The following EP400 variants were observed in gnomAD, a reference collection of about 807,000 sequenced individuals.
EP400 encodes E1A binding protein p400.
Under a neutral mutation model 354.1 loss-of-function variants are expected in EP400, and 105 were observed. The observed-to-expected ratio is 0.30, with a 90% CI of 0.25 to 0.35. The LOEUF is 0.35. Ranked by LOEUF, EP400 falls within the 10% of genes least tolerant of loss-of-function variation. The pLI, the probability that EP400 is intolerant of heterozygous loss-of-function variation, is 1.00. For synonymous variants in EP400, 1,646 were observed against 1,716.9 expected (o/e 0.96, Z 1.02); for missense variants, 3,280 against 4,121.0 (o/e 0.80, Z 5.59).
Position 132,077,429 on chromosome 12 carries a change from A to G in EP400, c.9128A>G (p.Gln3043Arg). Reference sequence around the variant, plus strand: ...TCTCCACAGACTGTGGCGCTCACGCAGGCGACGGCGGCCGGGCAGCAGGTG... The same window carrying G: ...TCTCCACAGACTGTGGCGCTCACGCGGGCGACGGCGGCCGGGCAGCAGGTG... ...QASPQTVALT[Q>R]ATAAGQQVQM... Residue 3043 changes from glutamine to arginine, a missense_variant, in exon 53 of 53, where the codon CAG becomes CGG. By Grantham distance (43) the Gln-to-Arg change is conservative. Around this residue, in one of 20 missense-constraint regions of EP400, gnomAD observed 279 missense variants for 386.7 expected, o/e 0.72. Coordinates refer to ENST00000389561, the MANE Select transcript of EP400 (RefSeq NM_015409.5). 1.2e-6 allele frequency: 2 copies of G among 1,612,568 alleles called. No homozygotes were observed. Among genetic ancestry groups the G allele is most frequent in the Non-Finnish European group, 1.7e-6 (2 of 1,179,814 alleles).
At position 131,961,571 on chromosome 12, in the gene EP400, C is replaced by A. The variant is rs901974148; in HGVS notation, c.952C>A (p.Pro318Thr). ...GGGGTTTGGGATGACGTCCCCACCCCCGCCCACCAGCCCTTCCAGGACTGC... is the reference window on the plus strand; with the variant it reads ...GGGGTTTGGGATGACGTCCCCACCCACGCCCACCAGCCCTTCCAGGACTGC... ...AAGFGMTSPP[P>T]PTSPSRTAVP... Residue 318 changes from proline to threonine, a missense_variant, in exon 2 of 53, where the codon CCG (proline) becomes ACG (threonine). By Grantham distance (38) the Pro-to-Thr change is conservative. Transcript: ENST00000389561. The A allele has an allele frequency of 1.3e-6, 2 of 1,547,278 alleles. No homozygotes were observed. The highest frequency in any genetic ancestry group is 1.9e-5 in the Admixed American group (1 of 51,570).
At position 132,021,113 on chromosome 12, in the gene EP400, C is replaced by A. The variant is rs200678324; in HGVS notation, c.4482C>A (p.Ser1494=). The change falls in exon 23 of 53, where the codon TCC becomes TCA. Residue 1494 remains serine (S), a synonymous_variant. Transcript: ENST00000389561. The part of the protein sequence containing the change: ...AAAPFQTSQA[S]ASAPRHQPAS... ...CCCCGTTTCAGACCTCTCAGGCTTC[C>A]GCCAGTGCTCCACGACACCAGCCCG... is the stretch of plus-strand genomic sequence containing the variant. The A allele has an allele frequency of 1.2e-6, 2 of 1,600,080 alleles. No individual in the cohort carries two copies. Among genetic ancestry groups the A allele is most frequent in the South Asian group, 2.2e-5 (2 of 90,986 alleles).
intron 39 of EP400, among the ~76,000 whole-genome samples, chr12:132,049,878 T>C (rs769801319): frequency 2.0e-5 from 3 of 152,204 alleles, no homozygotes; most frequent in Non-Finnish European, 2.9e-5. Context: ...AGAATGTACT[T>C]TGAGACACCA....
In EP400 at chr12:132,045,309, C is replaced by G; in HGVS notation, c.6785-10C>G. 1.9e-6 allele frequency: 3 copies of G among 1,613,958 alleles called. No homozygotes were observed. Among genetic ancestry groups the G allele is most frequent in the Non-Finnish European group, 1.7e-6 (2 of 1,179,902 alleles). ...TTTACTCTCTTGCTGAAGACTGCCT[C>G]TCTGTTCAGCTGCAGGCAGGAAGAA... On this transcript the variant is annotated splice_polypyrimidine_tract_variant and intron_variant, in intron 37 of 52. Coordinates refer to ENST00000389561, the MANE Select transcript of EP400 (RefSeq NM_015409.5).
At chr12:131,977,999 G>A (rs1354242130) in intron 2 of EP400, among the ~76,000 whole-genome samples, 1 of 152,144 alleles carries the variant, frequency 6.6e-6, no homozygotes, top group Non-Finnish European at 1.5e-5. Flanking sequence ...GTGATTTAAG[G>A]AATAATTTAG....
At chr12:132,073,118 A>G (rs1896112516) in intron 51 of EP400, among the ~76,000 whole-genome samples, 2 of 151,850 alleles carry the variant, frequency 1.3e-5, no homozygotes, top group South Asian at 2.1e-4. Context: ...GTCTGTATAT[A>G]AGGTTGGGTA....
At chr12:131,976,964 G>A (rs1892498715) in intron 2 of EP400, among the ~76,000 whole-genome samples, 1 of 152,166 alleles carries the variant, frequency 6.6e-6, no homozygotes. Context: ...GTTCCATAGA[G>A]CACAGACTGG....
At position 131,981,581 on chromosome 12, in the gene EP400, A is replaced by C; in HGVS notation, c.1528A>C (p.Met510Leu). ...CGCAGGCGTTCCTCTCCAGCAACTA[A>C]TGCCGACCGCACAAGGTAAGGCCCA... ...ADAGVPLQQL[M>L]PTAQGGMPPT... is the part of the protein sequence containing the mutation. The change falls in exon 4 of 53, where the codon ATG becomes CTG. Residue 510 changes from methionine to leucine, a missense_variant. Around this residue, in one of 20 missense-constraint regions of EP400, gnomAD observed 800 missense variants for 840.0 expected, o/e 0.95. Transcript: ENST00000389561. 1 of 1,598,430 alleles carries C rather than the reference A, an allele frequency of 6.3e-7. No individual in the cohort carries two copies. Among genetic ancestry groups the C allele is most frequent in the Non-Finnish European group, 8.5e-7 (1 of 1,172,754 alleles).
intron 4 of EP400, 143 bp from the exon 5 acceptor site, chr12:131,981,950 G>A (rs1892695066): frequency 1.8e-6 from 2 of 1,109,780 alleles, no homozygotes; most frequent in African/African-American, 3.1e-5. Context: ...CCTTTTGTGT[G>A]TGCTCGGTTG....
At chr12:132,057,490 G>A (rs182747654) in intron 45 of EP400, among the ~76,000 whole-genome samples, 52 of 152,320 alleles carry the variant, frequency 3.4e-4, no homozygotes, top group Middle Eastern at 3.4e-3. Context: ...GCTCCACTAC[G>A]GAGAGGAATT....
Position 132,062,553 on chromosome 12 carries a change from A to AGCAGCAGCC in EP400, c.8194_8195insCGCAGCAGC (p.Gln2731_Gln2732insProGlnGln), listed in dbSNP as rs1282451706. ...CAGCAGCAGCAGCAGCAACAACAGC[A>AGCAGCAGCC]GCAGCAGCAGCAGCAGCAGCAGCAG... On this transcript the variant is annotated inframe_insertion, in exon 47 of 53. Coordinates refer to ENST00000389561, the MANE Select transcript of EP400 (RefSeq NM_015409.5). 3.2e-6 allele frequency: 5 copies of AGCAGCAGCC among 1,552,252 alleles called. No homozygotes were observed. Among genetic ancestry groups the AGCAGCAGCC allele is most frequent in the South Asian group, 2.3e-5 (2 of 87,982 alleles).
Position 132,027,034 on chromosome 12 carries a change from T to C in EP400, c.5015-403T>C, listed in dbSNP as rs1209626429. On this transcript the variant is annotated intron_variant, in intron 25 of 52. Transcript: ENST00000389561. This position sits in a 1 kb window ranked among gnomAD's most constrained non-coding sequence, Gnocchi z 4.9. Reference sequence around the variant, plus strand: ...CTTCCTGCCGGGGCTGGGCTGCTCATGGCAGGCAAGGGCCTCACAGTCATC... The same window carrying C: ...CTTCCTGCCGGGGCTGGGCTGCTCACGGCAGGCAAGGGCCTCACAGTCATC... Among the ~76,000 whole-genome samples, 1 of 152,146 alleles carries C rather than the reference T, an allele frequency of 6.6e-6. No individual in the cohort carries two copies. The highest frequency in any genetic ancestry group is 2.4e-5 in the African/African-American group (1 of 41,422).
intron 2 of EP400, 43 bp from the exon 3 acceptor site, chr12:131,979,651 G>A (rs1688519868): frequency 2.6e-6 from 4 of 1,551,180 alleles, no homozygotes; most frequent in Non-Finnish European, 3.5e-6. Flanking sequence ...TCTTGTAATG[G>A]CCTTCAGTGA....
At chr12:131,964,340 G>A (rs2036300948) in intron 2 of EP400, among the ~76,000 whole-genome samples, 1 of 152,108 alleles carries the variant, frequency 6.6e-6, no homozygotes, top group South Asian at 2.1e-4. Flanking sequence ...GGTGGTGCAT[G>A]CCTATAATCC....
At position 131,986,783 on chromosome 12, in the gene EP400, T is replaced by A. The variant is rs1261708812; in HGVS notation, c.2199T>A (p.Asp733Glu). 1 of 1,611,078 alleles carries A rather than the reference T, an allele frequency of 6.2e-7. No individual in the cohort carries two copies. Among genetic ancestry groups the A allele is most frequent in the African/African-American group, 1.3e-5 (1 of 74,946 alleles). ...CCTCGTCCCAAGACAGTTCTCAGGATACGCTGACAGAACAAATAACTCTGG... is the reference window on the plus strand; with the variant it reads ...CCTCGTCCCAAGACAGTTCTCAGGAAACGCTGACAGAACAAATAACTCTGG... ...NATSSQDSSQ[D>E]TLTEQITLEN... The change falls in exon 6 of 53, where the codon GAT (aspartate) becomes GAA (glutamate). Residue 733 changes from aspartate to glutamate, a missense_variant. This residue lies in a region of EP400 where 800 missense variants were observed against 840.0 expected (regional missense o/e 0.95). Coordinates refer to ENST00000389561, the MANE Select transcript of EP400 (RefSeq NM_015409.5).
At chr12:131,999,979 CTTTTT>C (rs879423130) in intron 12 of EP400, among the ~76,000 whole-genome samples, 1 of 120,048 alleles carries the variant, frequency 8.3e-6, no homozygotes, top group African/African-American at 3.0e-5. Flanking sequence ...TTGTCAGATT[CTTTTT>C]TTTTTTTTTT....
intron 30 of EP400, among the ~76,000 whole-genome samples, chr12:132,032,875 C>T (rs1022520577): frequency 2.6e-4 from 40 of 152,146 alleles, no homozygotes; most frequent in Non-Finnish European, 4.9e-4. Context: ...GTGATCCGCC[C>T]GCCGTGGCCT....
At chr12:132,015,557 T>G (rs905794788) in intron 19 of EP400, among the ~76,000 whole-genome samples, 1 of 152,104 alleles carries the variant, frequency 6.6e-6, no homozygotes, top group African/African-American at 2.4e-5. Flanking sequence ...GCCCACACAA[T>G]ATGGTGGTTT....
Position 131,994,797 on chromosome 12 carries a change from T to C in EP400, c.2738-70T>C, listed in dbSNP as rs1593333204. On this transcript the variant is annotated intron_variant, in intron 11 of 52. Coordinates refer to ENST00000389561, the MANE Select transcript of EP400 (RefSeq NM_015409.5). This position sits in a 1 kb window ranked among gnomAD's most constrained non-coding sequence, Gnocchi z 4.6. ...TATGCAAAATAATTTCGAAGCCTTATAGTGTGTAATGAGTAACAGACACTC... is the reference window on the plus strand; with the variant it reads ...TATGCAAAATAATTTCGAAGCCTTACAGTGTGTAATGAGTAACAGACACTC... The C allele has an allele frequency of 7.5e-7, 1 of 1,329,022 alleles. No homozygotes were observed. Among genetic ancestry groups the C allele is most frequent in the Non-Finnish European group, 1.1e-6 (1 of 933,130 alleles). 82.3% of individuals were successfully genotyped at this position (1,329,022 alleles called of 1,614,324 possible). A position where few individuals can be genotyped will look rare whatever the true frequency, so the allele number is the denominator to read the frequency against.
Sources: gnomAD v4.1 joint callset for allele counts (sites outside exome capture counted in the v4.1 genomes callset) on GRCh38, gnomAD v4.1.1 for gene constraint, gnomAD v4.1.1 regional missense constraint, Gnocchi (gnomAD v3.1) non-coding constraint, MANE v1.5 for transcripts, NCBI Gene and HGNC (gene_info 2026-07-23, HGNC 2026-07-21) for gene names.